GABRG3: variants seen among roughly 807,000 people sequenced by gnomAD.
GABRG3 encodes gamma-aminobutyric acid receptor subunit gamma-3.
GABRG3 carries 25 observed loss-of-function variants against 48.8 expected under a neutral mutation model. That is an observed-to-expected ratio of 0.51 (90% confidence interval 0.37 to 0.72). GABRG3 has a LOEUF of 0.72. GABRG3 is among the 30% of genes least tolerant of loss of function. GABRG3 has a pLI of 0.00. For synonymous variants in GABRG3, 227 were observed against 217.6 expected (o/e 1.04, Z -0.38); for missense variants, 394 against 577.9 (o/e 0.68, Z 3.26).
chr15:27,427,266 T>C (rs1386795394), intron 5 of GABRG3, among the ~76,000 whole-genome samples: 1 of 152,224 alleles, frequency 6.6e-6, no homozygotes, highest in Non-Finnish European at 1.5e-5. Context: ...CACAATCTTA[T>C]CTGATCTTAA....
At chr15:27,247,299 A>G (rs947960592) in intron 3 of GABRG3, among the ~76,000 whole-genome samples, 1 of 150,556 alleles carries the variant, frequency 6.6e-6, no homozygotes, top group Non-Finnish European at 1.5e-5. Flanking sequence ...TGCCCCTCTA[A>G]CCCTCGGGCT....
chr15:27,349,443 C>G (rs996117840), intron 5 of GABRG3, among the ~76,000 whole-genome samples: 2 of 152,022 alleles, frequency 1.3e-5, no homozygotes, highest in African/African-American at 4.8e-5. Context: ...GCCATTTCTT[C>G]GAAGAGACAC....
chr15:26,996,943 C>T (rs926506432), intron 2 of GABRG3, among the ~76,000 whole-genome samples: 4 of 152,146 alleles, frequency 2.6e-5, no homozygotes, highest in Admixed American at 6.5e-5. Context: ...TGAGCCACCA[C>T]GCCCGGCCTA....
chr15:27,512,888 A>C (rs771418851), intron 6 of GABRG3, among the ~76,000 whole-genome samples: 69 of 152,178 alleles, frequency 4.5e-4, no homozygotes, highest in Non-Finnish European at 9.4e-4. Flanking sequence ...CTTTAGTTAG[A>C]AATGCAAATG....
chr15:27,372,867 CTG>C (rs1437730568), intron 5 of GABRG3, among the ~76,000 whole-genome samples: 2 of 152,192 alleles, frequency 1.3e-5, no homozygotes, highest in Non-Finnish European at 2.9e-5. Context: ...GTGGTTGTCA[CTG>C]TACCTGTGAA....
chr15:27,351,056 GTGTGT>G (rs1894555733), intron 5 of GABRG3, among the ~76,000 whole-genome samples: 1 of 121,428 alleles, frequency 8.2e-6, no homozygotes, highest in African/African-American at 4.0e-5. Flanking sequence ...TGCATATGGT[GTGTGT>G]GTGTGTATGG....
chr15:27,481,158 C>T (rs1890093051), intron 6 of GABRG3: 1 of 1,035,408 alleles, frequency 9.7e-7, no homozygotes. Context: ...ATAAAAGAAG[C>T]TGGTGTGATA....
intron 3 of GABRG3, among the ~76,000 whole-genome samples, chr15:27,326,298 A>G (rs1413125101): frequency 6.6e-6 from 1 of 152,186 alleles, no homozygotes; most frequent in Admixed American, 6.5e-5. Flanking sequence ...GCTTGAGAAG[A>G]CTCAAGTACA....
chr15:27,214,644 A>C (rs1400921005), intron 3 of GABRG3, among the ~76,000 whole-genome samples: 1 of 152,126 alleles, frequency 6.6e-6, no homozygotes, highest in Non-Finnish European at 1.5e-5. Context: ...TTAATTCAAA[A>C]ATTTCTAAAC....
At chr15:27,347,252 A>G (rs1894405522) in intron 5 of GABRG3, among the ~76,000 whole-genome samples, 2 of 152,244 alleles carry the variant, frequency 1.3e-5, no homozygotes, top group South Asian at 2.1e-4. Context: ...CCCCTTTACT[A>G]TCCTGGAGCC....
At position 27,464,338 on chromosome 15, in the gene GABRG3, T is replaced by C. The variant is rs180866610; in HGVS notation, c.575-16312T>C. Among the ~76,000 whole-genome samples, 121 of 152,296 alleles carry C rather than the reference T, an allele frequency of 7.9e-4. 1 individual carries two copies. Among genetic ancestry groups the C allele is most frequent in the Middle Eastern group, 6.8e-3 (2 of 294 alleles). The stretch of plus-strand genomic sequence containing the variant: ...CTCCAAACTTGCCTATTCTGGACAT[T>C]TTATATAAAGTGAATTATACATTAT... On this transcript the variant is annotated intron_variant, in intron 5 of 9. Coordinates refer to ENST00000615808, the MANE Select transcript of GABRG3 (RefSeq NM_033223.5).
intron 3 of GABRG3, among the ~76,000 whole-genome samples, chr15:27,046,383 C>T (rs990036247): frequency 4.6e-5 from 7 of 152,106 alleles, no homozygotes; most frequent in African/African-American, 1.2e-4. Flanking sequence ...GGATTATTGG[C>T]GTGAGCCACC....
At chr15:27,060,998 A>G (rs1267784808) in intron 3 of GABRG3, among the ~76,000 whole-genome samples, 1 of 152,300 alleles carries the variant, frequency 6.6e-6, no homozygotes, top group South Asian at 2.1e-4. Context: ...ATACCTCCCT[A>G]CAATTTTCCT....
At chr15:27,497,970 G>A (rs1486249372) in intron 6 of GABRG3, among the ~76,000 whole-genome samples, 2 of 152,094 alleles carry the variant, frequency 1.3e-5, no homozygotes, top group Non-Finnish European at 2.9e-5. Flanking sequence ...TCTGCAATCA[G>A]CATATCCTGT....
In GABRG3 at chr15:27,532,955, C is replaced by G; in HGVS notation, c.*74C>G. 1 of 1,437,120 alleles carries G rather than the reference C, an allele frequency of 7.0e-7. No individual in the cohort carries two copies. Among genetic ancestry groups the G allele is most frequent in the Non-Finnish European group, 9.5e-7 (1 of 1,053,796 alleles). The allele number at this position is 1,437,120 out of a possible 1,614,324, so 89.0% of individuals were successfully genotyped here. A position where few individuals can be genotyped will look rare whatever the true frequency, so the allele number is the denominator to read the frequency against. ...TCTGTCGTCCCCAGACCAGTAGTGA[C>G]CAATCGGGAGTAGCAAGGAAGGACA... On this transcript the variant is annotated 3_prime_UTR_variant, in exon 10 of 10. Transcript: ENST00000615808.
chr15:27,461,960 T>C (rs544911790), intron 5 of GABRG3, among the ~76,000 whole-genome samples: 5 of 152,336 alleles, frequency 3.3e-5, no homozygotes, highest in South Asian at 2.1e-4. Flanking sequence ...TTCATTTCCC[T>C]GACTCTTGGA....
chr15:27,050,280 TCCTCCTTCTTCTGTGCTCATG>T (rs752141954), intron 3 of GABRG3, among the ~76,000 whole-genome samples: 7 of 152,316 alleles, frequency 4.6e-5, no homozygotes, highest in Non-Finnish European at 7.3e-5. Flanking sequence ...TTGAGCTGTT[TCCTCCTTCTTCTGTGCTCATG>T]CCTGAAACTC....
intron 6 of GABRG3, among the ~76,000 whole-genome samples, chr15:27,493,520 TA>T (rs1298158294): frequency 1.3e-5 from 2 of 152,012 alleles, no homozygotes; most frequent in Admixed American, 1.3e-4. Flanking sequence ...TCTATTAGAA[TA>T]AAAAAAGAAA....
In GABRG3 at chr15:27,024,530, G is replaced by A. The variant is rs534406743; in HGVS notation, c.203-2224G>A. Among the ~76,000 whole-genome samples, 3 of 152,280 alleles carry A rather than the reference G, an allele frequency of 2.0e-5. No individual in the cohort carries two copies. The South Asian group carries it at 6.2e-4, about 32-fold the overall frequency. Reference sequence around the variant, plus strand: ...TCATTCTTTTGCCTGTGGATATCCAGTTTTCCTAGCACTGTTGGTTGAAAA... The same window carrying A: ...TCATTCTTTTGCCTGTGGATATCCAATTTTCCTAGCACTGTTGGTTGAAAA... On this transcript the variant is annotated intron_variant, in intron 2 of 9. Coordinates refer to ENST00000615808, the MANE Select transcript of GABRG3 (RefSeq NM_033223.5).
Sources: gnomAD v4.1 joint callset for allele counts (sites outside exome capture counted in the v4.1 genomes callset) on GRCh38, gnomAD v4.1.1 for gene constraint, MANE v1.5 for transcripts, NCBI Gene and HGNC (gene_info 2026-07-23, HGNC 2026-07-21) for gene names.